The following GALNTL6 variants were observed in gnomAD, a reference collection of about 807,000 sequenced individuals.
GALNTL6 encodes polypeptide N-acetylgalactosaminyltransferase like 6.
GALNTL6 carries 46 observed loss-of-function variants against 73.7 expected under a neutral mutation model. That is an observed-to-expected ratio of 0.62 (90% CI 0.49 to 0.80). The LOEUF (loss-of-function observed/expected upper bound fraction) is 0.80. Ranked by LOEUF, GALNTL6 falls within the 30% of genes least tolerant of loss-of-function variation. GALNTL6 has a pLI of 0.00. For missense variants in GALNTL6, 604 were observed against 755.0 expected, an observed-to-expected ratio of 0.80 and a Z score of 2.34; for synonymous variants, 259 against 263.7, an observed-to-expected ratio of 0.98 and a Z score of 0.17.
intron 5 of GALNTL6, among the ~76,000 whole-genome samples, chr4:172,377,385 CAG>C (rs1422940711): frequency 1.3e-5 from 2 of 152,204 alleles, no homozygotes; most frequent in African/African-American, 4.8e-5. Flanking sequence ...TAGCTAGACA[CAG>C]AGTGCTGATT....
chr4:172,034,545 T>C (rs1414267486), intron 2 of GALNTL6, among the ~76,000 whole-genome samples: 8 of 151,884 alleles, frequency 5.3e-5, no homozygotes, highest in Non-Finnish European at 7.4e-5. Flanking sequence ...CTTTGGCAAG[T>C]CAGACTCAGT....
At chr4:172,738,605 G>T (rs1681362552) in intron 5 of GALNTL6, among the ~76,000 whole-genome samples, 1 of 150,886 alleles carries the variant, frequency 6.6e-6, no homozygotes, top group African/African-American at 2.5e-5. Flanking sequence ...ACGTGTCAAT[G>T]AAAAAAGTCA....
chr4:171,958,010 C>A (rs1485918864), intron 2 of GALNTL6, among the ~76,000 whole-genome samples: 1 of 152,104 alleles, frequency 6.6e-6, no homozygotes, highest in Non-Finnish European at 1.5e-5. Context: ...GTTTTATGAT[C>A]AGAAAAGCAC....
intron 7 of GALNTL6, among the ~76,000 whole-genome samples, chr4:172,876,836 C>G (rs1745221670): frequency 6.6e-6 from 1 of 152,118 alleles, no homozygotes. Flanking sequence ...TCATTTTACT[C>G]CACAATTGAA....
intron 5 of GALNTL6, among the ~76,000 whole-genome samples, chr4:172,707,951 A>G (rs1167828164): frequency 6.6e-6 from 1 of 152,150 alleles, no homozygotes; most frequent in East Asian, 1.9e-4. Flanking sequence ...AGCCAAAGCC[A>G]AGGTCTAGTT....
At chr4:172,060,146 C>T (rs1731152384) in intron 2 of GALNTL6, among the ~76,000 whole-genome samples, 1 of 151,400 alleles carries the variant, frequency 6.6e-6, no homozygotes, top group South Asian at 2.1e-4. Flanking sequence ...TTACTTTTTG[C>T]CAAATTAATA....
At position 172,809,621 on chromosome 4, in the gene GALNTL6, A is replaced by G; in HGVS notation, c.739+75A>G. The G allele has an allele frequency of 8.3e-7, 1 of 1,198,122 alleles. No homozygotes were observed. The highest frequency in any genetic ancestry group is 1.6e-5 in the South Asian group (1 of 64,372). 74.2% of individuals were successfully genotyped at this position (1,198,122 alleles called of 1,614,324 possible). On this transcript the variant is annotated intron_variant, in intron 6 of 12. Transcript: ENST00000506823. The surrounding 1 kb of genome is among the most constrained non-coding windows in gnomAD (Gnocchi z 4.4). ...GCGGTTTGCTTCTATTTAGTTTGCA[A>G]TCAGCAAACACTAGAGGTCCCTTCT...
intron 5 of GALNTL6, among the ~76,000 whole-genome samples, chr4:172,616,270 G>A (rs1458657315): frequency 2.0e-5 from 3 of 152,076 alleles, no homozygotes; most frequent in Non-Finnish European, 4.4e-5. Flanking sequence ...ATGCTCAATC[G>A]TCTATTGTAA....
chr4:172,908,779 A>C (rs1278668315), intron 8 of GALNTL6, among the ~76,000 whole-genome samples: 1 of 151,852 alleles, frequency 6.6e-6, no homozygotes, highest in Non-Finnish European at 1.5e-5. Context: ...CTGTCAAAAA[A>C]TGTTATAATC....
chr4:172,216,537 A>AT (rs537304562), intron 2 of GALNTL6, among the ~76,000 whole-genome samples: 20 of 150,658 alleles, frequency 1.3e-4, no homozygotes, highest in South Asian at 4.2e-4. Flanking sequence ...CTTAAGTGTA[A>AT]TTTTTTTTTG....
At chr4:172,957,983 G>C (rs1458127457) in intron 10 of GALNTL6, among the ~76,000 whole-genome samples, 1 of 152,168 alleles carries the variant, frequency 6.6e-6, no homozygotes, top group African/African-American at 2.4e-5. Context: ...AGGTGGATTA[G>C]AGAGATACAG....
chr4:172,761,901 T>A (rs537872600), intron 5 of GALNTL6, among the ~76,000 whole-genome samples: 1 of 152,314 alleles, frequency 6.6e-6, no homozygotes, highest in East Asian at 1.9e-4. Context: ...ACAATGTTCT[T>A]CCACTGTTCC....
At chr4:172,221,077 T>C (rs1736659690) in intron 2 of GALNTL6, among the ~76,000 whole-genome samples, 1 of 151,852 alleles carries the variant, frequency 6.6e-6, no homozygotes, top group South Asian at 2.1e-4. Context: ...ATTTTGGTAG[T>C]AGATATATGA....
intron 5 of GALNTL6, among the ~76,000 whole-genome samples, chr4:172,661,158 C>T (rs1450617460): frequency 1.3e-5 from 2 of 152,108 alleles, no homozygotes; most frequent in African/African-American, 2.4e-5. Context: ...AGCAGATTAC[C>T]CTCCATAATG....
At position 172,638,254 on chromosome 4, in the gene GALNTL6, G is replaced by C. The variant is rs72988584; in HGVS notation, c.554-171107G>C. ...CCATTGCTGTCCAACAAGGAGACAAGTATTGCAGACAAGAAGCTAGATTGG... is the reference window on the plus strand; with the variant it reads ...CCATTGCTGTCCAACAAGGAGACAACTATTGCAGACAAGAAGCTAGATTGG... On this transcript the variant is annotated intron_variant, in intron 5 of 12. Coordinates refer to ENST00000506823, the MANE Select transcript of GALNTL6 (RefSeq NM_001034845.3). Among the ~76,000 whole-genome samples the C allele has an allele frequency of 3.2e-3, 487 of 152,238 alleles. 1 individual carries two copies. The highest frequency in any genetic ancestry group is 8.6e-3 in the African/African-American group (357 of 41,550).
intron 10 of GALNTL6, among the ~76,000 whole-genome samples, chr4:172,984,626 G>A (rs1367122090): frequency 6.6e-6 from 1 of 152,170 alleles, no homozygotes; most frequent in Non-Finnish European, 1.5e-5. Flanking sequence ...GAGGGAGGGG[G>A]CGAGGACGGC....
chr4:172,863,319 T>C (rs1430347327), intron 7 of GALNTL6, among the ~76,000 whole-genome samples: 3 of 152,086 alleles, frequency 2.0e-5, no homozygotes, highest in Non-Finnish European at 4.4e-5. Context: ...GCTTCCACCA[T>C]GGGCCTGGAG....
At chr4:172,522,960 C>T (rs1248324061) in intron 5 of GALNTL6, among the ~76,000 whole-genome samples, 2 of 152,110 alleles carry the variant, frequency 1.3e-5, no homozygotes, top group Non-Finnish European at 2.9e-5. Flanking sequence ...TGATTGCTCT[C>T]AATAGCCAAT....
intron 5 of GALNTL6, among the ~76,000 whole-genome samples, chr4:172,414,587 G>T (rs1744557893): frequency 6.6e-6 from 1 of 152,056 alleles, no homozygotes; most frequent in African/African-American, 2.4e-5. Context: ...TACTCTTAGC[G>T]GCACACTGTG....
Sources: gnomAD v4.1 joint callset for allele counts (sites outside exome capture counted in the v4.1 genomes callset) on GRCh38, gnomAD v4.1.1 for gene constraint, Gnocchi (gnomAD v3.1) non-coding constraint, MANE v1.5 for transcripts, NCBI Gene and HGNC (gene_info 2026-07-23, HGNC 2026-07-21) for gene names.